The following SLC4A4 variants were observed in gnomAD, a reference collection of about 807,000 sequenced individuals.
SLC4A4 encodes the protein solute carrier family 4 member 4.
A neutral mutation model predicts 111.5 loss-of-function variants in SLC4A4; 27 were observed. The ratio of observed to expected loss-of-function variants is 0.24; its 90% CI spans 0.18 to 0.33. The LOEUF (loss-of-function observed/expected upper bound fraction) is 0.33. Among genes scored for constraint, SLC4A4 ranks in the 10% least tolerant of loss-of-function variants. The pLI is 1.00. For missense variants in SLC4A4, 909 were observed against 1,315.5 expected (o/e 0.69, Z 4.78); for synonymous variants, 443 against 463.4 (o/e 0.96, Z 0.57).
intron 7 of SLC4A4, chr4:71,437,867 G>T: frequency 5.3e-6 from 1 of 189,166 alleles, no homozygotes; most frequent in Non-Finnish European, 1.1e-5. Context: ...CAAAGGAAAT[G>T]AGCTCCTGCA....
intron 4 of SLC4A4, 145 bp downstream of exon 4, chr4:71,339,650 CT>C (rs1728727463): frequency 1.4e-6 from 1 of 730,896 alleles, no homozygotes; most frequent in African/African-American, 1.8e-5. Context: ...GTAAATAATT[CT>C]ATTTCTTCTT....
At chr4:71,156,316 G>T (rs61660078) in intron 2 of SLC4A4, among the ~76,000 whole-genome samples, 63 of 151,640 alleles carry the variant, frequency 4.2e-4, no homozygotes, top group East Asian at 9.7e-4. Context: ...GTTTTTTTTT[G>T]ATTTGCAGCC....
At chr4:71,101,035 G>A (rs1405007307) in intron 2 of SLC4A4, among the ~76,000 whole-genome samples, 1 of 152,202 alleles carries the variant, frequency 6.6e-6, no homozygotes, top group Non-Finnish European at 1.5e-5. Context: ...TGAGGCAGGT[G>A]GATCACGAGG....
At chr4:71,205,424 C>A (rs191179605) in intron 1 of SLC4A4, among the ~76,000 whole-genome samples, 1 of 152,136 alleles carries the variant, frequency 6.6e-6, no homozygotes, top group African/African-American at 2.4e-5. Context: ...CCCCCATCCC[C>A]CAAATCAGAA....
intron 4 of SLC4A4, among the ~76,000 whole-genome samples, chr4:71,343,106 T>A (rs1729026126): frequency 2.0e-5 from 3 of 152,206 alleles, no homozygotes; most frequent in Admixed American, 1.3e-4. Flanking sequence ...TATTTCTAGT[T>A]CCTGGCAGTG....
chr4:71,436,430 G>T (rs1322650608), intron 7 of SLC4A4, among the ~76,000 whole-genome samples: 1 of 152,112 alleles, frequency 6.6e-6, no homozygotes, highest in Non-Finnish European at 1.5e-5. Context: ...TCATGGGAGG[G>T]ATAATATTAG....
intron 12 of SLC4A4, among the ~76,000 whole-genome samples, chr4:71,462,763 G>A (rs1031539668): frequency 5.3e-5 from 8 of 151,940 alleles, no homozygotes; most frequent in Admixed American, 3.9e-4. Context: ...GTATTGAAAA[G>A]GTTTTTATCA....
chr4:71,311,198 T>C (rs1370725984), intron 3 of SLC4A4, among the ~76,000 whole-genome samples: 1 of 152,134 alleles, frequency 6.6e-6, no homozygotes, highest in East Asian at 1.9e-4. Flanking sequence ...ATAAAACAAG[T>C]TCTTAGAGAC....
chr4:71,515,768 C>T (rs13434480), intron 16 of SLC4A4, among the ~76,000 whole-genome samples: 63,304 of 151,898 alleles, frequency 0.42, 16,022 homozygotes, highest in African/African-American at 0.67. Context: ...TTTTATCTTA[C>T]GTAAGTATAG....
chr4:71,432,962 G>A (rs1013629904), intron 7 of SLC4A4, among the ~76,000 whole-genome samples: 3 of 151,952 alleles, frequency 2.0e-5, no homozygotes, highest in Admixed American at 6.6e-5. Flanking sequence ...ATTTATATTG[G>A]ATAAGTATAT....
At chr4:71,265,293 T>G (rs1578708823) in intron 3 of SLC4A4, among the ~76,000 whole-genome samples, 1 of 152,136 alleles carries the variant, frequency 6.6e-6, no homozygotes, top group Non-Finnish European at 1.5e-5. Context: ...AAAAGGCTCA[T>G]ACAAGTTCAG....
chr4:71,140,859 GT>G (rs1308609060), intron 2 of SLC4A4, among the ~76,000 whole-genome samples: 2 of 152,102 alleles, frequency 1.3e-5, no homozygotes, highest in Non-Finnish European at 2.9e-5. Flanking sequence ...AGCTTCCACT[GT>G]TTTTAAAAAT....
intron 3 of SLC4A4, among the ~76,000 whole-genome samples, chr4:71,275,494 A>T (rs1373441712): frequency 1.3e-5 from 2 of 152,226 alleles, no homozygotes; most frequent in Non-Finnish European, 2.9e-5. Context: ...GTGATGGTTA[A>T]ACGTAGGATA....
intron 1 of SLC4A4, among the ~76,000 whole-genome samples, chr4:71,188,754 A>G (rs1200976621): frequency 6.6e-6 from 1 of 152,106 alleles, no homozygotes; most frequent in Non-Finnish European, 1.5e-5. Context: ...GTTTCTGACT[A>G]CAGCTCTCTT....
intron 7 of SLC4A4, among the ~76,000 whole-genome samples, chr4:71,430,169 C>G (rs1288521815): frequency 6.6e-6 from 1 of 152,006 alleles, no homozygotes; most frequent in Non-Finnish European, 1.5e-5. Context: ...TTGTGACCTC[C>G]CATTGGACAG....
chr4:71,482,404 T>G (rs1295440061), intron 14 of SLC4A4, among the ~76,000 whole-genome samples: 1 of 151,594 alleles, frequency 6.6e-6, no homozygotes, highest in East Asian at 2.0e-4. Context: ...ATTGAAATTC[T>G]AAAAGGAATT....
chr4:71,272,823 A>G (rs1021307523), intron 3 of SLC4A4, among the ~76,000 whole-genome samples: 1 of 152,220 alleles, frequency 6.6e-6, no homozygotes, highest in Non-Finnish European at 1.5e-5. Context: ...TCTCTGAGGA[A>G]CCTACTAAGG....
At position 71,571,151 on chromosome 4, in the gene SLC4A4, T is replaced by C. The variant is rs1048508907; in HGVS notation, c.*3400T>C. The C allele has an allele frequency of 6.6e-6, 1 of 152,262 alleles. No homozygotes were observed. The highest frequency in any genetic ancestry group is 1.5e-5 in the Non-Finnish European group (1 of 67,866). 9.4% of individuals were successfully genotyped at this position (152,262 alleles called of 1,614,324 possible). A position where few individuals can be genotyped will look rare whatever the true frequency, so the allele number is the denominator to read the frequency against. On this transcript the variant is annotated 3_prime_UTR_variant, in exon 26 of 26. Coordinates refer to ENST00000264485, the MANE Select transcript of SLC4A4 (RefSeq NM_001098484.3). Reference sequence around the variant, plus strand: ...TTTTTGGTTCCTTTTTTAACTGTGTTAAAGTACTTGAAATGTATTGACTGC... The same window carrying C: ...TTTTTGGTTCCTTTTTTAACTGTGTCAAAGTACTTGAAATGTATTGACTGC...
At chr4:71,330,775 A>C (rs941956037) in intron 3 of SLC4A4, among the ~76,000 whole-genome samples, 8 of 152,168 alleles carry the variant, frequency 5.3e-5, no homozygotes, top group Non-Finnish European at 1.0e-4. Flanking sequence ...AGCAAAAGAA[A>C]CTACCATCAG....
Sources: gnomAD v4.1 joint callset for allele counts (sites outside exome capture counted in the v4.1 genomes callset) on GRCh38, gnomAD v4.1.1 for gene constraint, MANE v1.5 for transcripts, NCBI Gene and HGNC (gene_info 2026-07-23, HGNC 2026-07-21) for gene names.